THRA: variants seen among roughly 807,000 people sequenced by gnomAD.
THRA encodes thyroid hormone receptor alpha.
Under a neutral mutation model 45.0 loss-of-function variants are expected in THRA, and 13 were observed. The ratio of observed to expected loss-of-function variants is 0.29; its 90% CI spans 0.19 to 0.46. THRA has a LOEUF of 0.46. Ranked by LOEUF, THRA falls within the 20% of genes least tolerant of loss-of-function variation. THRA has a pLI of 1.00. For missense variants in THRA, 278 were observed against 556.1 expected, an observed-to-expected ratio of 0.50 and a Z score of 5.03; for synonymous variants, 195 against 214.0, an observed-to-expected ratio of 0.91 and a Z score of 0.78.
downstream of THRA, chr17:40,093,224 C>T (rs1456552341): frequency 1.2e-6 from 2 of 1,613,582 alleles, no homozygotes; most frequent in African/African-American, 1.3e-5. The surrounding 1 kb of genome is among the most constrained non-coding windows in gnomAD (Gnocchi z 5.9). Flanking sequence ...CCCGAAGAGC[C>T]CGCAGCAGCG....
intron 1 of THRA, 97 bp from the exon 2 acceptor site, chr17:40,074,095 A>T (rs1986868256): frequency 4.3e-6 from 1 of 233,162 alleles, no homozygotes; most frequent in African/African-American, 2.3e-5. Flanking sequence ...CTGTCTTGTT[A>T]TGGGATCCCA....
At chr17:40,082,959 G>C (rs1370706577) in intron 4 of THRA, among the ~76,000 whole-genome samples, 2 of 141,878 alleles carry the variant, frequency 1.4e-5, no homozygotes, top group East Asian at 4.2e-4. Context: ...ACGGAGTCTT[G>C]CTCTGTCACC....
At chr17:40,068,548 C>T (rs1439945912) in intron 1 of THRA, among the ~76,000 whole-genome samples, 1 of 152,192 alleles carries the variant, frequency 6.6e-6, no homozygotes, top group Non-Finnish European at 1.5e-5. Context: ...GTGAGGTGGT[C>T]CAGAGGGAGG....
rs1987543975 is a variant in THRA at position 40,091,413 on chromosome 17, C to T, written c.*1957C>T. Reference sequence around the variant, plus strand: ...CACCTGTGCATGTGCCTGTCCCACCCTGCTGGGGCCTCGGGCTGCCCGCGC... The same window carrying T: ...CACCTGTGCATGTGCCTGTCCCACCTTGCTGGGGCCTCGGGCTGCCCGCGC... On this transcript the variant is annotated 3_prime_UTR_variant, in exon 9 of 9. Coordinates refer to ENST00000450525, the MANE Select transcript of THRA (RefSeq NM_199334.5). 6.5e-6 allele frequency: 1 copy of T among 153,102 alleles called. No homozygotes were observed. The highest frequency in any genetic ancestry group is 1.5e-5 in the Non-Finnish European group (1 of 68,772). 9.5% of individuals were successfully genotyped at this position (153,102 alleles called of 1,614,324 possible). A position where few individuals can be genotyped will look rare whatever the true frequency, so the allele number is the denominator to read the frequency against.
At chr17:40,088,574 G>A in intron 8 of THRA, 74 bp downstream of exon 8, 1 of 1,529,130 alleles carries the variant, frequency 6.5e-7, no homozygotes. Context: ...TGGGCCTGTT[G>A]CTCAACTCCC....
At chr17:40,079,277 C>CG (rs552661738) in intron 4 of THRA, among the ~76,000 whole-genome samples, 107 of 152,092 alleles carry the variant, frequency 7.0e-4, no homozygotes, top group African/African-American at 2.4e-3. Flanking sequence ...GATGGAGTCT[C>CG]GCTCTGTTGC....
intron 2 of THRA, 126 bp from the exon 3 acceptor site, chr17:40,076,745 G>T (rs562330147): frequency 3.1e-5 from 29 of 935,346 alleles, no homozygotes; most frequent in Admixed American, 1.3e-4. Flanking sequence ...ACCCTGGGGG[G>T]TGGGAGGTAG....
intron 1 of THRA, among the ~76,000 whole-genome samples, chr17:40,073,903 C>T (rs1310676677): frequency 1.3e-5 from 2 of 152,104 alleles, no homozygotes; most frequent in African/African-American, 2.4e-5. Flanking sequence ...CATTAAGGGC[C>T]AGGCATTTGT....
At chr17:40,078,676 G>A in intron 4 of THRA, among the ~76,000 whole-genome samples, 1 of 150,120 alleles carries the variant, frequency 6.7e-6, no homozygotes, top group Admixed American at 6.6e-5. Context: ...TCAAAATGTG[G>A]TTCATGGACC....
intron 1 of THRA, among the ~76,000 whole-genome samples, chr17:40,070,213 G>A (rs956472844): frequency 4.0e-5 from 6 of 151,876 alleles, no homozygotes; most frequent in Admixed American, 1.3e-4. Flanking sequence ...CCCTCCTCCC[G>A]TCTCCCCCAT....
Position 40,076,951 on chromosome 17 carries a change from G to A in THRA, c.121+13G>A. 1 of 1,613,602 alleles carries A rather than the reference G, an allele frequency of 6.2e-7. No homozygotes were observed. Among genetic ancestry groups the A allele is most frequent in the East Asian group, 2.2e-5 (1 of 44,868 alleles). ...ACCAGCATGTCAGGTGAGGCTGGCT[G>A]TGCGTGCCCCTTCTCCACGTCCCCA... is the stretch of plus-strand genomic sequence containing the variant. On this transcript the variant is annotated intron_variant, in intron 3 of 8. Coordinates refer to ENST00000450525, the MANE Select transcript of THRA (RefSeq NM_199334.5).
At chr17:40,093,671 C>T, downstream of THRA, 1 of 635,074 alleles carries the variant, frequency 1.6e-6, no homozygotes, top group Non-Finnish European at 2.7e-6. This position sits in a 1 kb window ranked among gnomAD's most constrained non-coding sequence, Gnocchi z 5.9. Context: ...CCTTCCCCAG[C>T]TCCCCCAGGC....
At position 40,089,109 on chromosome 17, in the gene THRA, C is replaced by A. The variant is rs2145086711; in HGVS notation, c.983-97C>A. On this transcript the variant is annotated intron_variant, in intron 8 of 8. Transcript: ENST00000450525. The surrounding 1 kb of genome is among the most constrained non-coding windows in gnomAD (Gnocchi z 6.1). ...CCCCCAGCCTCTCTGCCTCTATCTC[C>A]CCTCTAGTCCTTTCTTCCCACGTCC... 3 of 1,209,808 alleles carry A rather than the reference C, an allele frequency of 2.5e-6. No individual in the cohort carries two copies. Among genetic ancestry groups the A allele is most frequent in the African/African-American group, 3.0e-5 (2 of 66,810 alleles). The allele number at this position is 1,209,808 out of a possible 1,614,324, so 74.9% of individuals were successfully genotyped here. A position where few individuals can be genotyped will look rare whatever the true frequency, so the allele number is the denominator to read the frequency against.
At chr17:40,079,931 G>A (rs1052604622) in intron 4 of THRA, among the ~76,000 whole-genome samples, 8 of 152,158 alleles carry the variant, frequency 5.3e-5, no homozygotes, top group African/African-American at 1.9e-4. Context: ...GCCAGGTGTA[G>A]TGATGTACGC....
chr17:40,088,394 G>A lies in THRA; in HGVS notation c.876G>A (p.Leu292=). 1 of 1,614,144 alleles carries A rather than the reference G, an allele frequency of 6.2e-7. No individual in the cohort carries two copies. Residue 292 remains leucine, a synonymous_variant, in exon 8 of 9, where the codon CTG becomes CTA. Coordinates refer to ENST00000450525, the MANE Select transcript of THRA (RefSeq NM_199334.5). ...GGGAGCAGCTCAAGAATGGCGGCCTGGGCGTAGTCTCCGACGCCATCTTTG... is the reference window on the plus strand; with the variant it reads ...GGGAGCAGCTCAAGAATGGCGGCCTAGGCGTAGTCTCCGACGCCATCTTTG... ...VKREQLKNGG[L]GVVSDAIFEL...
intron 2 of THRA, among the ~76,000 whole-genome samples, chr17:40,076,599 A>G (rs558934790): frequency 1.1e-3 from 162 of 152,308 alleles, no homozygotes; most frequent in African/African-American, 3.9e-3. Flanking sequence ...CCTGCAGATT[A>G]TGGGTGCTTC....
chr17:40,063,771 CTG>C (rs929378590), intron 1 of THRA, among the ~76,000 whole-genome samples: 4 of 151,982 alleles, frequency 2.6e-5, no homozygotes, highest in Admixed American at 1.3e-4. Context: ...AGAAATGGAC[CTG>C]TGTGTGTGTA....
At chr17:40,081,625 C>T (rs1469305612) in intron 4 of THRA, among the ~76,000 whole-genome samples, 5 of 152,000 alleles carry the variant, frequency 3.3e-5, no homozygotes, top group Non-Finnish European at 7.4e-5. Context: ...AATACTAATT[C>T]TTCATATTAT....
At chr17:40,070,600 G>A (rs1986740341) in intron 1 of THRA, among the ~76,000 whole-genome samples, 2 of 152,136 alleles carry the variant, frequency 1.3e-5, no homozygotes, top group East Asian at 1.9e-4. Context: ...TCTGGGCCAC[G>A]GTGGCCGCCC....
Sources: allele counts gnomAD v4.1 joint callset (sites outside exome capture counted in the v4.1 genomes callset), GRCh38; gene constraint gnomAD v4.1.1; non-coding constraint Gnocchi (gnomAD v3.1); transcripts MANE v1.5; gene names NCBI Gene and HGNC (gene_info 2026-07-23, HGNC 2026-07-21).